ZNF765: variants seen among roughly 807,000 people sequenced by gnomAD.
ZNF765 encodes the protein zinc finger protein 765.
In ZNF765, 37 loss-of-function variants were observed where a neutral mutation model predicts 44.7. The ratio of observed to expected loss-of-function variants is 0.83; its 90% CI spans 0.64 to 1.09. The LOEUF is 1.09. ZNF765 is among the 50% of genes least tolerant of loss of function. The pLI is 0.00. For synonymous variants in ZNF765, 201 were observed against 213.7 expected (o/e 0.94, Z 0.52); for missense variants, 594 against 626.1 (o/e 0.95, Z 0.55).
At chr19:53,406,944 A>C (rs2085781140) in intron 3 of ZNF765, among the ~76,000 whole-genome samples, 1 of 152,162 alleles carries the variant, frequency 6.6e-6, no homozygotes, top group African/African-American at 2.4e-5. Context: ...AATTTGTTTA[A>C]AAATGTCAAA....
At position 53,397,939 on chromosome 19, in the gene ZNF765, T is replaced by C; in HGVS notation, c.-73-4T>C. On this transcript the variant is annotated splice_polypyrimidine_tract_variant and splice_region_variant and intron_variant, in intron 1 of 3. Coordinates refer to ENST00000396408, the MANE Select transcript of ZNF765 (RefSeq NM_001040185.3). ...GCAATAAACAACATATTTCTAACAT[T>C]CAGGATTGACTTCTAAAGACTCTTG... 1 of 1,599,730 alleles carries C rather than the reference T, an allele frequency of 6.3e-7. No individual in the cohort carries two copies. The highest frequency in any genetic ancestry group is 8.5e-7 in the Non-Finnish European group (1 of 1,173,702).
intron 2 of ZNF765, among the ~76,000 whole-genome samples, chr19:53,400,419 A>G (rs777963034): frequency 2.0e-5 from 3 of 152,058 alleles, no homozygotes; most frequent in African/African-American, 4.8e-5. Context: ...CAGGTCAGGC[A>G]GTTGAAAGGG....
chr19:53,405,939 ATATATATATAT>A (rs1568779023), intron 3 of ZNF765, among the ~76,000 whole-genome samples: 58 of 95,580 alleles, frequency 6.1e-4, no homozygotes, highest in Non-Finnish European at 9.8e-4. Context: ...ATATATATAT[ATATATATATAT>A]AAAATTGCTG....
chr19:53,398,148 C>T, intron 2 of ZNF765, 118 bp downstream of exon 2: 3 of 1,547,784 alleles, frequency 1.9e-6, no homozygotes, highest in Non-Finnish European at 2.7e-6. Flanking sequence ...CTCGCACTCA[C>T]CCATGCCTTC....
At position 53,399,532 on chromosome 19, in the gene ZNF765, T is replaced by A. The variant is rs533868609; in HGVS notation, c.15+1502T>A. Among the ~76,000 whole-genome samples the A allele has an allele frequency of 8.5e-5, 13 of 152,060 alleles. No individual in the cohort carries two copies. The East Asian group carries it at 2.5e-3, about 30-fold the overall frequency. ...AAAAAAAATAACTTTTTTACAAAAA[T>A]TAGCCTGGCGTGATGGCACGTGCCC... On this transcript the variant is annotated intron_variant, in intron 2 of 3. Transcript: ENST00000396408.
intron 2 of ZNF765, among the ~76,000 whole-genome samples, chr19:53,400,563 T>C (rs2085714063): frequency 6.6e-6 from 1 of 152,024 alleles, no homozygotes; most frequent in Admixed American, 6.6e-5. Flanking sequence ...TTGCTACTTT[T>C]TATATTTTTA....
At chr19:53,403,120 C>T (rs2085744001) in intron 3 of ZNF765, among the ~76,000 whole-genome samples, 1 of 151,158 alleles carries the variant, frequency 6.6e-6, no homozygotes, top group African/African-American at 2.4e-5. Context: ...CCAAGATTGC[C>T]ACTGCACTCC....
intron 2 of ZNF765, among the ~76,000 whole-genome samples, chr19:53,399,514 A>T (rs1299578375): frequency 6.6e-6 from 1 of 151,962 alleles, no homozygotes; most frequent in Non-Finnish European, 1.5e-5. Flanking sequence ...TGAAAAAAAA[A>T]TAACTTTTTT....
Position 53,408,289 on chromosome 19 carries a change from G to A in ZNF765, c.734G>A (p.Cys245Tyr), listed in dbSNP as rs754768910. ...CATTTAGGAGAGAAACAATATAAAT[G>A]CGATATATGTGGCAAGGTCTTTAAT... ...LIHLGEKQYKCDICGKVFNSK... is the reference protein window; with the variant it reads ...LIHLGEKQYKYDICGKVFNSK... Residue 245 changes from cysteine (C) to tyrosine (Y), a missense_variant, in exon 4 of 4, where the codon TGC (cysteine) becomes TAC (tyrosine). Around this residue, in one of 2 missense-constraint regions of ZNF765, gnomAD observed 567 missense variants for 572.6 expected, o/e 0.99. Coordinates refer to ENST00000396408, the MANE Select transcript of ZNF765 (RefSeq NM_001040185.3). The A allele has an allele frequency of 3.7e-6, 6 of 1,614,074 alleles. No homozygotes were observed. The highest frequency in any genetic ancestry group is 1.3e-5 in the African/African-American group (1 of 74,946).
At chr19:53,406,769 G>T (rs1202357832) in intron 3 of ZNF765, among the ~76,000 whole-genome samples, 1 of 152,098 alleles carries the variant, frequency 6.6e-6, no homozygotes, top group Non-Finnish European at 1.5e-5. Context: ...ACAAAAATTA[G>T]CCAAACGTGG....
At chr19:53,398,574 A>G (rs771668582) in intron 2 of ZNF765, among the ~76,000 whole-genome samples, 1 of 152,168 alleles carries the variant, frequency 6.6e-6, no homozygotes, top group African/African-American at 2.4e-5. Flanking sequence ...ATGATACAAG[A>G]TGTTTTATTC....
In ZNF765 at chr19:53,400,763, C is replaced by CATATATATATATATATATAT. The variant is rs35520888; in HGVS notation, c.16-1300_16-1281dup. ...CTGTGTAGGTTTCATTATTTGTTGA[C>CATATATATATATATATATAT]ATATATATATATATATATATACACA... On this transcript the variant is annotated intron_variant, in intron 2 of 3. Transcript: ENST00000396408. Among the ~76,000 whole-genome samples, 553 of 116,388 alleles carry CATATATATATATATATATAT rather than the reference C, an allele frequency of 4.8e-3. 15 individuals carry two copies. The highest frequency in any genetic ancestry group is 7.7e-3 in the East Asian group (29 of 3,762). The allele number at this position is 116,388 out of a possible 152,430, so 76.4% of individuals were successfully genotyped here.
downstream of ZNF765, chr19:53,413,098 G>A (rs553071206): frequency 8.0e-6 from 3 of 372,810 alleles, no homozygotes; most frequent in East Asian, 6.4e-5. Flanking sequence ...CAACAAGAGC[G>A]AAACTTTGTC....
chr19:53,422,574 ATTTAC>A (rs1568789933), intron 3 of ZNF765, among the ~76,000 whole-genome samples: 1 of 151,882 alleles, frequency 6.6e-6, no homozygotes, highest in Admixed American at 6.6e-5. Flanking sequence ...ATTTTTATAT[ATTTAC>A]TTATTTATTT....
chr19:53,423,167 C>T (rs1409223367), exon 4 of ZNF765: 10 of 699,784 alleles, frequency 1.4e-5, no homozygotes, highest in Admixed American at 4.0e-5. Context: ...AGGGAACGCC[C>T]CCAAGCACGC....
At chr19:53,419,880 A>G (rs1047032916) in intron 3 of ZNF765, among the ~76,000 whole-genome samples, 4 of 151,538 alleles carry the variant, frequency 2.6e-5, no homozygotes, top group Admixed American at 6.6e-5. Context: ...TTACCTGGGC[A>G]TGGTGGCAGG....
intron 3 of ZNF765, among the ~76,000 whole-genome samples, chr19:53,402,667 T>A (rs974802152): frequency 1.3e-5 from 2 of 152,126 alleles, no homozygotes; most frequent in African/African-American, 4.8e-5. Flanking sequence ...GCTCAAGTGA[T>A]TGTCCCACCT....
chr19:53,416,839 A>G, downstream of ZNF765, among the ~76,000 whole-genome samples: 1 of 149,658 alleles, frequency 6.7e-6, no homozygotes, highest in East Asian at 2.0e-4. Flanking sequence ...TTTTTCTGAG[A>G]CCAAGTCTCG....
intron 3 of ZNF765, among the ~76,000 whole-genome samples, chr19:53,418,910 G>GAAA (rs34443506): frequency 0.24 from 23,273 of 96,276 alleles, 3,006 homozygotes; most frequent in Non-Finnish European, 0.34. Context: ...GTTGTGGGAG[G>GAAA]AAAAAAAAAA....
Sources: allele counts gnomAD v4.1 joint callset (sites outside exome capture counted in the v4.1 genomes callset), GRCh38; gene constraint gnomAD v4.1.1; regional missense constraint gnomAD v4.1.1; transcripts MANE v1.5; gene names NCBI Gene and HGNC (gene_info 2026-07-23, HGNC 2026-07-21).